PDGFRL: variants seen among roughly 807,000 people sequenced by gnomAD.
PDGFRL encodes platelet derived growth factor receptor like.
Under a neutral mutation model 37.2 loss-of-function variants are expected in PDGFRL, and 46 were observed. The ratio of observed to expected loss-of-function variants is 1.24; its 90% CI spans 0.98 to 1.58. The LOEUF (loss-of-function observed/expected upper bound fraction) is 1.58. Among genes scored for constraint, PDGFRL ranks in the 40% most tolerant of loss-of-function variants. PDGFRL has a pLI of 0.00. For missense variants in PDGFRL, 692 were observed against 467.6 expected (o/e 1.48, Z -4.43); for synonymous variants, 251 against 184.3 (o/e 1.36, Z -2.93).
At chr8:17,586,662 T>A (rs1803824358) in intron 1 of PDGFRL, among the ~76,000 whole-genome samples, 1 of 148,550 alleles carries the variant, frequency 6.7e-6, no homozygotes. Flanking sequence ...CAAATAGCAC[T>A]TAGCTAGCAA....
intron 3 of PDGFRL, among the ~76,000 whole-genome samples, chr8:17,626,371 C>T (rs1157087997): frequency 6.6e-6 from 1 of 152,110 alleles, no homozygotes; most frequent in Non-Finnish European, 1.5e-5. Context: ...GATGGAAACC[C>T]ATGTAAAAGA....
At chr8:17,596,326 G>C in intron 2 of PDGFRL, 1 of 1,235,320 alleles carries the variant, frequency 8.1e-7, no homozygotes, top group Non-Finnish European at 1.0e-6. Context: ...CACATGGGCT[G>C]CACGTAACTC....
intron 5 of PDGFRL, among the ~76,000 whole-genome samples, chr8:17,641,138 C>T (rs546515284): frequency 9.9e-5 from 15 of 152,234 alleles, no homozygotes; most frequent in East Asian, 1.9e-4. Flanking sequence ...CCAACAGCAC[C>T]GAGTTTGTTT....
At chr8:17,586,179 C>G (rs1394324742) in intron 1 of PDGFRL, among the ~76,000 whole-genome samples, 1 of 152,188 alleles carries the variant, frequency 6.6e-6, no homozygotes, top group African/African-American at 2.4e-5. Context: ...GTCTTGAACT[C>G]CTGGCCTCAA....
At chr8:17,590,244 A>AAAG (rs1297625355) in intron 2 of PDGFRL, among the ~76,000 whole-genome samples, 1 of 146,526 alleles carries the variant, frequency 6.8e-6, no homozygotes, top group African/African-American at 2.5e-5. Context: ...CTCAAAAAAA[A>AAAG]AAAAAAAAAA....
intron 2 of PDGFRL, among the ~76,000 whole-genome samples, chr8:17,617,902 T>C (rs1449686601): frequency 6.6e-6 from 1 of 152,174 alleles, no homozygotes; most frequent in East Asian, 1.9e-4. Flanking sequence ...GCCTGCTGAT[T>C]TGGTACCCTG....
chr8:17,590,311 G>C (rs1183699019), intron 2 of PDGFRL, among the ~76,000 whole-genome samples: 3 of 148,858 alleles, frequency 2.0e-5, no homozygotes, highest in Non-Finnish European at 3.0e-5. Flanking sequence ...GAAACCATGT[G>C]ACAAAACCAT....
intron 1 of PDGFRL, among the ~76,000 whole-genome samples, chr8:17,581,515 A>T (rs1013578319): frequency 6.6e-6 from 1 of 152,042 alleles, no homozygotes; most frequent in African/African-American, 2.4e-5. Flanking sequence ...TTGATCCCCC[A>T]TGTGGTGGTG....
intron 1 of PDGFRL, among the ~76,000 whole-genome samples, chr8:17,581,711 G>T (rs2720568): frequency 6.6e-6 from 1 of 151,972 alleles, no homozygotes; most frequent in East Asian, 1.9e-4. Context: ...GCTAGTTATC[G>T]TTGCCCTCTG....
At chr8:17,609,634 TAAAAA>T (rs3040922) in intron 2 of PDGFRL, among the ~76,000 whole-genome samples, 637 of 43,490 alleles carry the variant, frequency 0.015, 10 homozygotes, top group African/African-American at 0.045. Context: ...TGAGACTCTG[TAAAAA>T]AAAAAAAAAA....
At chr8:17,606,858 A>G (rs1585314395) in intron 2 of PDGFRL, among the ~76,000 whole-genome samples, 1 of 151,208 alleles carries the variant, frequency 6.6e-6, no homozygotes, top group African/African-American at 2.4e-5. Flanking sequence ...GAGGTAAATC[A>G]TAAGAAACAG....
intron 2 of PDGFRL, among the ~76,000 whole-genome samples, chr8:17,619,367 A>G (rs1055248861): frequency 1.1e-4 from 16 of 152,222 alleles, no homozygotes; most frequent in African/African-American, 3.9e-4. Context: ...AGTGTTTAAT[A>G]ATAAATATGT....
chr8:17,625,112 G>A (rs1804706695), intron 3 of PDGFRL, among the ~76,000 whole-genome samples: 1 of 149,708 alleles, frequency 6.7e-6, no homozygotes, highest in African/African-American at 2.5e-5. Flanking sequence ...TTAGCATTAG[G>A]TATATCTCCT....
intron 2 of PDGFRL, among the ~76,000 whole-genome samples, chr8:17,608,283 G>C (rs967057003): frequency 2.6e-5 from 4 of 152,160 alleles, no homozygotes; most frequent in Admixed American, 2.6e-4. Flanking sequence ...AGTTACATTG[G>C]AGCAGAGGTC....
intron 3 of PDGFRL, among the ~76,000 whole-genome samples, chr8:17,624,375 C>G (rs1340214601): frequency 2.6e-5 from 4 of 152,196 alleles, no homozygotes; most frequent in African/African-American, 7.2e-5. Flanking sequence ...CCTCTTTCAT[C>G]TTGATCCAGG....
At chr8:17,607,261 A>G (rs981849238) in intron 2 of PDGFRL, among the ~76,000 whole-genome samples, 11 of 152,020 alleles carry the variant, frequency 7.2e-5, no homozygotes, top group African/African-American at 2.4e-4. Flanking sequence ...AATGGTCCCA[A>G]GGTTCTCTAG....
rs1432473329 is a variant in PDGFRL at position 17,589,716 on chromosome 8, G to C, written c.304G>C (p.Gly102Arg). The change falls in exon 2 of 6, where the codon GGG becomes CGG. Residue 102 changes from glycine (G) to arginine (R), a missense_variant. Physicochemically the swap from Gly to Arg is moderately radical, Grantham distance 125. Transcript: ENST00000251630. ...GCTTCGATGTAAAGGGAGTAGAATT[G>C]GGTGGAGCTACCCTGCGTATCTGGA... ...VELRCKGSRI[G>R]WSYPAYLDTF... is the part of the protein sequence containing the mutation. The C allele has an allele frequency of 3.7e-6, 6 of 1,613,430 alleles. No individual in the cohort carries two copies. In the South Asian group the frequency reaches 5.5e-5, roughly 15 times the overall value.
At chr8:17,620,647 A>G (rs1277899360) in intron 2 of PDGFRL, among the ~76,000 whole-genome samples, 1 of 152,170 alleles carries the variant, frequency 6.6e-6, no homozygotes, top group Admixed American at 6.5e-5. Context: ...TAACATTTCT[A>G]TGTATTTGAT....
chr8:17,628,515 C>G lies in PDGFRL; in HGVS notation c.534C>G (p.Pro178=). The change falls in exon 4 of 6, where the codon CCC becomes CCG. Residue 178 remains proline, a synonymous_variant. Transcript: ENST00000251630. ...AAGGAGAACTCTTTGTACCTTCTCC[C>G]AGCTACTTCGATGTTGTCTACTTGA... ...TEKGELFVPS[P]SYFDVVYLNP... 6.2e-7 allele frequency: 1 copy of G among 1,613,930 alleles called. No homozygotes were observed. Among genetic ancestry groups the G allele is most frequent in the Non-Finnish European group, 8.5e-7 (1 of 1,179,816 alleles).
Sources: allele counts gnomAD v4.1 joint callset (sites outside exome capture counted in the v4.1 genomes callset), GRCh38; gene constraint gnomAD v4.1.1; transcripts MANE v1.5; gene names NCBI Gene and HGNC (gene_info 2026-07-23, HGNC 2026-07-21).